PCDH15: variants seen among roughly 807,000 people sequenced by gnomAD.
The protein encoded by PCDH15 is protocadherin related 15, also known as protocadherin-15.
A neutral mutation model predicts 178.5 loss-of-function variants in PCDH15; 129 were observed. The observed-to-expected ratio is 0.72, with a 90% CI of 0.63 to 0.84. The LOEUF (loss-of-function observed/expected upper bound fraction) is 0.84. Ranked by LOEUF, PCDH15 falls within the 40% of genes least tolerant of loss-of-function variation. The pLI is 0.00. For synonymous variants in PCDH15, 800 were observed against 732.0 expected, an observed-to-expected ratio of 1.09 and a Z score of -1.50; for missense variants, 2,230 against 2,099.9, an observed-to-expected ratio of 1.06 and a Z score of -1.21.
intron 2 of PCDH15, among the ~76,000 whole-genome samples, chr10:55,375,279 A>C (rs1297570086): frequency 1.3e-5 from 2 of 152,156 alleles, no homozygotes; most frequent in Non-Finnish European, 2.9e-5. Flanking sequence ...AAACTTAAGA[A>C]AGAATGGCAG....
intron 13 of PCDH15, 31 bp from the exon 14 acceptor site, chr10:54,153,324 T>C (rs942680963): frequency 1.2e-6 from 2 of 1,612,168 alleles, no homozygotes; most frequent in South Asian, 2.2e-5. Context: ...ATAAATCCTC[T>C]TGGGTCTCAA....
intron 2 of PCDH15, among the ~76,000 whole-genome samples, chr10:55,399,240 C>A (rs1367586391): frequency 6.6e-6 from 1 of 151,988 alleles, no homozygotes; most frequent in Non-Finnish European, 1.5e-5. Flanking sequence ...GGGATTTTAA[C>A]TGTCAGCAAA....
At chr10:55,293,111 C>T (rs1422928044) in intron 1 of PCDH15, among the ~76,000 whole-genome samples, 4 of 152,146 alleles carry the variant, frequency 2.6e-5, no homozygotes, top group African/African-American at 9.7e-5. Flanking sequence ...TCCCAAACCC[C>T]AATTCTTGAC....
chr10:54,917,530 A>G (rs1353330197), intron 2 of PCDH15, among the ~76,000 whole-genome samples: 1 of 152,182 alleles, frequency 6.6e-6, no homozygotes, highest in Non-Finnish European at 1.5e-5. Flanking sequence ...CTGTGCTATG[A>G]TTACCATCCC....
chr10:55,469,448 C>T (rs1839910389), intron 2 of PCDH15, among the ~76,000 whole-genome samples: 1 of 151,954 alleles, frequency 6.6e-6, no homozygotes, highest in African/African-American at 2.4e-5. Context: ...AAATACATTT[C>T]TAATTTTTTC....
chr10:55,145,201 C>T (rs1838471114), intron 2 of PCDH15, among the ~76,000 whole-genome samples: 2 of 151,936 alleles, frequency 1.3e-5, no homozygotes, highest in African/African-American at 4.8e-5. Context: ...GTTCCCCATA[C>T]ACCATCTACC....
intron 2 of PCDH15, among the ~76,000 whole-genome samples, chr10:55,604,654 A>T (rs1843170047): frequency 6.7e-6 from 1 of 149,646 alleles, no homozygotes; most frequent in East Asian, 2.0e-4. Flanking sequence ...TACTGGGTAC[A>T]TAACGAAATG....
At chr10:55,520,059 C>T (rs190013634) in intron 2 of PCDH15, among the ~76,000 whole-genome samples, 117 of 136,796 alleles carry the variant, frequency 8.6e-4, no homozygotes, top group African/African-American at 1.2e-3. Context: ...TATATATATA[C>T]ATATATATGG....
intron 16 of PCDH15, among the ~76,000 whole-genome samples, chr10:54,082,402 A>G (rs569124129): frequency 6.6e-6 from 1 of 152,332 alleles, no homozygotes; most frequent in Admixed American, 6.5e-5. Flanking sequence ...GGGAATACAG[A>G]ATAATAAATA....
intron 21 of PCDH15, among the ~76,000 whole-genome samples, chr10:53,972,207 A>T (rs61860088): frequency 0.018 from 2,697 of 152,286 alleles, 24 homozygotes; most frequent in Non-Finnish European, 0.028. Context: ...CTATTTAATA[A>T]ATGGTGCTGG....
At chr10:54,281,563 A>G (rs1208264379) in intron 8 of PCDH15, among the ~76,000 whole-genome samples, 1 of 152,024 alleles carries the variant, frequency 6.6e-6, no homozygotes, top group East Asian at 1.9e-4. Context: ...CATGTGGTAA[A>G]TACCAGCATA....
rs562690401 is a variant in PCDH15, at chr10:54,136,058, T to C, written c.1785-3051A>G. Reference sequence around the variant, plus strand: ...GCATTTTCCTTAGCTACATCCTTTATAATACTGTAGATATTTTAATTGAAT... The same window carrying C: ...GCATTTTCCTTAGCTACATCCTTTACAATACTGTAGATATTTTAATTGAAT... On this transcript the variant is annotated intron_variant, in intron 14 of 37. Coordinates refer to ENST00000644397, the MANE Select transcript of PCDH15 (RefSeq NM_001384140.1). 2.0e-5 allele frequency among the ~76,000 whole-genome samples: 3 copies of C among 152,316 alleles called. No individual in the cohort carries two copies. In the South Asian group the frequency reaches 6.2e-4, roughly 32 times the overall value.
chr10:53,883,952 G>A (rs976208573), intron 26 of PCDH15, among the ~76,000 whole-genome samples: 48 of 152,140 alleles, frequency 3.2e-4, no homozygotes, highest in African/African-American at 1.1e-3. Flanking sequence ...CTGACCTCAG[G>A]TGATCTGCCC....
Position 54,270,564 on chromosome 10 carries a change from G to T in PCDH15, c.877-33633C>A, listed in dbSNP as rs186726910. 4.4e-3 allele frequency among the ~76,000 whole-genome samples: 666 copies of T among 152,194 alleles called. 4 individuals carry two copies. Among genetic ancestry groups the T allele is most frequent in the Non-Finnish European group, 6.4e-3 (436 of 67,990 alleles). ...ACTTCTTCAGCGTATCCTCATTGTT[G>T]TTTGTTTGCTTGCTTGCTTGTTTTG... On this transcript the variant is annotated intron_variant, in intron 8 of 37. Coordinates refer to ENST00000644397, the MANE Select transcript of PCDH15 (RefSeq NM_001384140.1).
intron 3 of PCDH15, among the ~76,000 whole-genome samples, chr10:54,447,029 G>A (rs563920399): frequency 6.6e-6 from 1 of 151,622 alleles, no homozygotes; most frequent in East Asian, 1.9e-4. Context: ...CTTACTCTCT[G>A]GCTGCAAACA....
rs529409507 is a variant in PCDH15, at chr10:54,859,036, A to G, written c.-29+38414T>C. On this transcript the variant is annotated intron_variant, in intron 3 of 5. Transcript: ENST00000458638. ...TATGGTAGTTAAATCAGCATGGCCC[A>G]GGTTAGTAGTGTATCATTATTCCTC... 2.0e-5 allele frequency among the ~76,000 whole-genome samples: 3 copies of G among 152,214 alleles called. No homozygotes were observed. In the East Asian group the frequency reaches 5.8e-4, roughly 29 times the overall value.
rs971653197 is a variant in PCDH15, at chr10:53,846,025, C to T, written c.3807-5529G>A. Among the ~76,000 whole-genome samples the T allele has an allele frequency of 7.5e-5, 11 of 146,030 alleles. No individual in the cohort carries two copies. The East Asian group carries it at 2.2e-3, about 29-fold the overall frequency. Reference sequence around the variant, plus strand: ...GTTATATCAATAGTGTATGTGTATACACACACACACACACACACACACACA... The same window carrying T: ...GTTATATCAATAGTGTATGTGTATATACACACACACACACACACACACACA... On this transcript the variant is annotated intron_variant, in intron 28 of 37. Transcript: ENST00000644397.
chr10:55,242,111 G>A (rs942923899), intron 1 of PCDH15, among the ~76,000 whole-genome samples: 2 of 152,068 alleles, frequency 1.3e-5, no homozygotes, highest in African/African-American at 4.8e-5. Context: ...CTAGTGAGGA[G>A]GCAGAGTGAT....
chr10:54,503,540 C>G (rs980573901), intron 3 of PCDH15, among the ~76,000 whole-genome samples: 1 of 150,980 alleles, frequency 6.6e-6, no homozygotes, highest in African/African-American at 2.4e-5. Flanking sequence ...TTGAAAGCTA[C>G]TGCTTAGAAT....
Sources: allele counts gnomAD v4.1 joint callset (sites outside exome capture counted in the v4.1 genomes callset), GRCh38; gene constraint gnomAD v4.1.1; transcripts MANE v1.5; gene names NCBI Gene and HGNC (gene_info 2026-07-23, HGNC 2026-07-21).